The following GRIP1 variants were observed in gnomAD, a reference collection of about 807,000 sequenced individuals.
GRIP1 encodes the protein glutamate receptor-interacting protein 1.
A neutral mutation model predicts 129.9 loss-of-function variants in GRIP1; 45 were observed. That is an observed-to-expected ratio of 0.35 (90% CI 0.27 to 0.44). The LOEUF is 0.44. Among genes scored for constraint, GRIP1 ranks in the 20% least tolerant of loss-of-function variants. The pLI is 1.00. For missense variants in GRIP1, 1,196 were observed against 1,396.8 expected, an observed-to-expected ratio of 0.86 and a Z score of 2.29; for synonymous variants, 530 against 520.8, an observed-to-expected ratio of 1.02 and a Z score of -0.24.
chr12:66,680,576 A>T (rs910968360), upstream of GRIP1, among the ~76,000 whole-genome samples: 1 of 152,044 alleles, frequency 6.6e-6, no homozygotes, highest in African/African-American at 2.4e-5. Context: ...TTGAATTTCA[A>T]CCCATATTAT....
intron 1 of GRIP1, among the ~76,000 whole-genome samples, chr12:66,953,407 T>C (rs542550856): frequency 2.0e-4 from 30 of 152,222 alleles, no homozygotes; most frequent in African/African-American, 4.3e-4. Flanking sequence ...CCATAAGAAT[T>C]ATCTCACTTG....
chr12:66,512,405 A>G (rs2060725800), intron 7 of GRIP1, among the ~76,000 whole-genome samples: 1 of 152,082 alleles, frequency 6.6e-6, no homozygotes. Flanking sequence ...TGACATGTAC[A>G]TATACCACTG....
At chr12:66,503,307 G>A (rs1018986696) in intron 7 of GRIP1, among the ~76,000 whole-genome samples, 1 of 152,102 alleles carries the variant, frequency 6.6e-6, no homozygotes, top group African/African-American at 2.4e-5. Context: ...GAAACCTTCA[G>A]ATGGGCATGC....
At chr12:66,501,397 A>G (rs17181176) in intron 7 of GRIP1, among the ~76,000 whole-genome samples, 47,091 of 152,106 alleles carry the variant, frequency 0.31, 7,420 homozygotes, top group Middle Eastern at 0.39. Context: ...ATACTATTAT[A>G]TAATGGCTAA....
At chr12:66,762,794 C>G (rs10506499) in intron 1 of GRIP1, among the ~76,000 whole-genome samples, 52 of 152,278 alleles carry the variant, frequency 3.4e-4, no homozygotes, top group African/African-American at 1.3e-3. Flanking sequence ...ATGCCTTAAT[C>G]GGAGCATATA....
chr12:66,751,746 T>C (rs2037132554), intron 1 of GRIP1, among the ~76,000 whole-genome samples: 1 of 152,214 alleles, frequency 6.6e-6, no homozygotes, highest in Non-Finnish European at 1.5e-5. Flanking sequence ...ATGGTTTGTT[T>C]AGCTAAAATA....
chr12:66,629,088 T>C (rs1443485923), intron 1 of GRIP1, among the ~76,000 whole-genome samples: 1 of 152,252 alleles, frequency 6.6e-6, no homozygotes, highest in Non-Finnish European at 1.5e-5. Context: ...CAAGTATGCA[T>C]ATTAGCATGC....
intron 7 of GRIP1, among the ~76,000 whole-genome samples, chr12:66,508,541 C>T (rs2060607139): frequency 6.6e-6 from 1 of 152,020 alleles, no homozygotes; most frequent in African/African-American, 2.4e-5. Flanking sequence ...CAAATAAGAA[C>T]AGGATGAATG....
chr12:66,780,076 T>A (rs1313391403), intron 1 of GRIP1, among the ~76,000 whole-genome samples: 1 of 152,144 alleles, frequency 6.6e-6, no homozygotes, highest in East Asian at 1.9e-4. Context: ...AGTGGCAGCA[T>A]AATTTGAGGT....
intron 1 of GRIP1, among the ~76,000 whole-genome samples, chr12:66,984,686 T>C (rs2042285808): frequency 6.6e-6 from 1 of 152,210 alleles, no homozygotes; most frequent in Non-Finnish European, 1.5e-5. Flanking sequence ...AATCAGATTG[T>C]ATTATCTGTT....
chr12:66,583,802 T>C (rs2063501856), intron 2 of GRIP1, among the ~76,000 whole-genome samples: 1 of 134,688 alleles, frequency 7.4e-6, no homozygotes, highest in Non-Finnish European at 1.6e-5. Context: ...ACTTTTACAC[T>C]GTTGGTGGGA....
chr12:66,545,644 AC>A (rs1196785829), intron 2 of GRIP1, among the ~76,000 whole-genome samples: 1 of 152,216 alleles, frequency 6.6e-6, no homozygotes, highest in African/African-American at 2.4e-5. Context: ...AGAACTGAGC[AC>A]TTACTATGTG....
intron 1 of GRIP1, among the ~76,000 whole-genome samples, chr12:66,721,244 T>C (rs776124133): frequency 1.6e-4 from 24 of 152,228 alleles, no homozygotes; most frequent in Middle Eastern, 3.4e-3. Context: ...AGAGTAGATT[T>C]AGCATTTAGT....
At chr12:66,773,224 G>C (rs1260164584) in intron 1 of GRIP1, among the ~76,000 whole-genome samples, 1 of 152,156 alleles carries the variant, frequency 6.6e-6, no homozygotes, top group Admixed American at 6.5e-5. Flanking sequence ...ACAAAGAAAA[G>C]AACCAAATCA....
chr12:66,725,940 G>A (rs1444286544), intron 1 of GRIP1, among the ~76,000 whole-genome samples: 2 of 152,070 alleles, frequency 1.3e-5, no homozygotes, highest in Non-Finnish European at 2.9e-5. Flanking sequence ...CATGCTCAGA[G>A]ACATTAAGTG....
intron 1 of GRIP1, among the ~76,000 whole-genome samples, chr12:66,928,614 C>A (rs189903276): frequency 1.3e-5 from 2 of 152,044 alleles, no homozygotes; most frequent in East Asian, 3.8e-4. Context: ...CTAAAAAATA[C>A]CTTACAGATT....
At chr12:66,801,947 A>G (rs186339037) in intron 1 of GRIP1, among the ~76,000 whole-genome samples, 51 of 152,258 alleles carry the variant, frequency 3.3e-4, no homozygotes. Context: ...ATTAAAACAG[A>G]TATGTTGTAG....
At chr12:66,517,840 G>T in intron 6 of GRIP1, 61 bp downstream of exon 6, 1 of 885,024 alleles carries the variant, frequency 1.1e-6, no homozygotes, top group Non-Finnish European at 1.9e-6. Flanking sequence ...CAACTTCTAT[G>T]TTAAAGTCCC....
intron 7 of GRIP1, among the ~76,000 whole-genome samples, chr12:66,467,512 T>G (rs1054862317): frequency 2.6e-5 from 4 of 152,228 alleles, no homozygotes; most frequent in Admixed American, 1.3e-4. Flanking sequence ...CAATGGTAGT[T>G]TGCACATCAT....
Sources: allele counts gnomAD v4.1 joint callset (sites outside exome capture counted in the v4.1 genomes callset), GRCh38; gene constraint gnomAD v4.1.1; transcripts MANE v1.5; gene names NCBI Gene and HGNC (gene_info 2026-07-23, HGNC 2026-07-21).